MTFR1: variants seen among roughly 807,000 people sequenced by gnomAD.
MTFR1 encodes the protein chondrocyte protein with a poly-proline region.
MTFR1 carries 28 observed loss-of-function variants against 38.8 expected under a neutral mutation model. The ratio of observed to expected loss-of-function variants is 0.72; its 90% confidence interval spans 0.53 to 0.99. The LOEUF (loss-of-function observed/expected upper bound fraction) is 0.99. Among genes scored for constraint, MTFR1 ranks in the 50% least tolerant of loss-of-function variants. The probability of loss-of-function intolerance (pLI) is 0.00; values close to 1 mark genes in which losing one functional copy is unlikely to be tolerated. For synonymous variants in MTFR1, 145 were observed against 137.0 expected (o/e 1.06, Z -0.41); for missense variants, 358 against 395.5 (o/e 0.91, Z 0.81).
At chr8:65,687,978 T>G (rs1805143400) in intron 3 of MTFR1, among the ~76,000 whole-genome samples, 1 of 151,520 alleles carries the variant, frequency 6.6e-6, no homozygotes, top group African/African-American at 2.4e-5. Context: ...CACGTGCCTG[T>G]AATCCCAGCT....
intron 3 of MTFR1, chr8:65,724,440 T>A (rs1806524313): frequency 4.2e-6 from 3 of 711,898 alleles, no homozygotes; most frequent in Non-Finnish European, 4.7e-6. Flanking sequence ...GGATTAACCA[T>A]AAATATAAAT....
chr8:65,719,376 G>A, intron 2 of MTFR1: 1 of 1,613,878 alleles, frequency 6.2e-7, no homozygotes, highest in Non-Finnish European at 8.5e-7. Flanking sequence ...TGTTCTCTCT[G>A]CAGTCCCTTC....
intron 3 of MTFR1, among the ~76,000 whole-genome samples, chr8:65,684,097 C>T (rs185146181): frequency 1.3e-5 from 2 of 152,272 alleles, no homozygotes; most frequent in East Asian, 1.9e-4. Context: ...AGATATCTAA[C>T]GTTTTCTGAT....
chr8:65,663,886 G>A (rs1804294467), intron 1 of MTFR1, among the ~76,000 whole-genome samples: 1 of 144,070 alleles, frequency 6.9e-6, no homozygotes, highest in Non-Finnish European at 1.5e-5. Flanking sequence ...GTGCAGTGGC[G>A]CCACCTCGGC....
At chr8:65,734,240 TTC>T (rs1192509281) in intron 3 of MTFR1, among the ~76,000 whole-genome samples, 9 of 152,186 alleles carry the variant, frequency 5.9e-5, no homozygotes, top group South Asian at 2.1e-4. Flanking sequence ...CTTCACTGAC[TTC>T]TGTTTCTTTC....
At chr8:65,663,927 A>C (rs1460670031) in intron 1 of MTFR1, among the ~76,000 whole-genome samples, 2 of 147,028 alleles carry the variant, frequency 1.4e-5, no homozygotes, top group Non-Finnish European at 3.0e-5. Context: ...TCCTGGGCTC[A>C]GACGATTCTC....
chr8:65,759,174 T>C (rs935261148), intron 3 of MTFR1, among the ~76,000 whole-genome samples: 1 of 152,224 alleles, frequency 6.6e-6, no homozygotes, highest in African/African-American at 2.4e-5. Context: ...CTATTCCTTG[T>C]ATGTAATCAC....
Position 65,669,988 on chromosome 8 carries a change from T to C in MTFR1, c.36T>C (p.Val12=), listed in dbSNP as rs1379075907. The C allele has an allele frequency of 6.2e-7, 1 of 1,605,556 alleles. No homozygotes were observed. Among genetic ancestry groups the C allele is most frequent in the Non-Finnish European group, 8.5e-7 (1 of 1,178,464 alleles). ...LGWIKRLIRM[V]FQQVGVSMQS... ...GGATTAAGCGCCTAATTAGGATGGT[T>C]TTTCAACAAGTTGGAGTAAGCATGC... Residue 12 remains valine (V), a synonymous_variant, in exon 2 of 8, where the codon GTT becomes GTC. Coordinates refer to ENST00000262146, the MANE Select transcript of MTFR1 (RefSeq NM_014637.4).
Position 65,724,179 on chromosome 8 carries a change from T to C in MTFR1, c.*48+4698T>C, listed in dbSNP as rs1402305154. The stretch of plus-strand genomic sequence containing the variant: ...TCTACTGCTAGACCCATATAAATTA[T>C]TGAGTTATTTTATTCTTACGATGTT... On this transcript the variant is annotated intron_variant, in intron 3 of 3. Coordinates refer to the MTFR1 transcript ENST00000521247. 7 of 871,992 alleles carry C rather than the reference T, an allele frequency of 8.0e-6. No homozygotes were observed. The East Asian group carries it at 1.0e-4, about 12-fold the overall frequency. 54.0% of individuals were successfully genotyped at this position (871,992 alleles called of 1,614,324 possible).
At chr8:65,671,379 A>T (rs889349308) in intron 2 of MTFR1, among the ~76,000 whole-genome samples, 4 of 152,026 alleles carry the variant, frequency 2.6e-5, no homozygotes, top group Non-Finnish European at 4.4e-5. Flanking sequence ...CAAAAAATTT[A>T]AAAAATTTAG....
intron 3 of MTFR1, among the ~76,000 whole-genome samples, chr8:65,768,235 C>T (rs1373165911): frequency 6.6e-6 from 1 of 152,122 alleles, no homozygotes; most frequent in Non-Finnish European, 1.5e-5. Flanking sequence ...CTTTAATGAG[C>T]TAAAATATTC....
chr8:65,762,935 G>C (rs547172051), intron 3 of MTFR1, among the ~76,000 whole-genome samples: 2,326 of 151,766 alleles, frequency 0.015, 27 homozygotes, highest in Admixed American at 0.024. Context: ...CCAGGAGTTC[G>C]AGACCAGCCT....
Position 65,733,151 on chromosome 8 carries a change from T to A in MTFR1, c.*48+13670T>A, listed in dbSNP as rs142068485. 1.1e-3 allele frequency among the ~76,000 whole-genome samples: 174 copies of A among 152,328 alleles called. 3 individuals carry two copies. The East Asian group carries it at 0.03, about 26-fold the overall frequency. On this transcript the variant is annotated intron_variant, in intron 3 of 3. Transcript: ENST00000521247. ...GAGTATGTTAAGGATGAAAAGTGTT[T>A]AAGTATTATCAGAACTCCACAGGCA... is the stretch of plus-strand genomic sequence containing the variant.
At chr8:65,653,849 G>C (rs905262780) in intron 1 of MTFR1, among the ~76,000 whole-genome samples, 3 of 151,982 alleles carry the variant, frequency 2.0e-5, no homozygotes, top group Non-Finnish European at 4.4e-5. Context: ...AGAATCACTT[G>C]AAGCCAGGAG....
chr8:65,669,453 C>T (rs1422134441), intron 1 of MTFR1, among the ~76,000 whole-genome samples: 1 of 151,944 alleles, frequency 6.6e-6, no homozygotes, highest in Non-Finnish European at 1.5e-5. Context: ...AGAATACTGA[C>T]TGAAAAAAAT....
intron 1 of MTFR1, among the ~76,000 whole-genome samples, chr8:65,645,297 C>T (rs188830676): frequency 0.041 from 6,317 of 152,340 alleles, 193 homozygotes; most frequent in Non-Finnish European, 0.063. Flanking sequence ...AACCAGCTTC[C>T]TGTGGTTGCT....
chr8:65,687,720 TTCTG>T (rs753079711), intron 3 of MTFR1, among the ~76,000 whole-genome samples: 3 of 152,176 alleles, frequency 2.0e-5, no homozygotes, highest in Non-Finnish European at 4.4e-5. Flanking sequence ...GAATTTAGTG[TTCTG>T]TCTTTCAGAC....
downstream of MTFR1, among the ~76,000 whole-genome samples, chr8:65,771,855 A>AGTG: frequency 6.7e-6 from 1 of 148,614 alleles, no homozygotes. Context: ...AGCCTGGGCA[A>AGTG]CAGATCGAGA....
intron 3 of MTFR1, chr8:65,724,850 G>A (rs756877414): frequency 6.2e-7 from 1 of 1,611,144 alleles, no homozygotes; most frequent in East Asian, 2.2e-5. Context: ...CCTAAACAAA[G>A]ACAGATACTC....
Sources: allele counts gnomAD v4.1 joint callset (sites outside exome capture counted in the v4.1 genomes callset), GRCh38; gene constraint gnomAD v4.1.1; transcripts MANE v1.5; gene names NCBI Gene and HGNC (gene_info 2026-07-23, HGNC 2026-07-21).